The following HUNK variants were observed in gnomAD, a reference collection of about 807,000 sequenced individuals.
HUNK encodes the protein hormonally up-regulated Neu-associated kinase.
A neutral mutation model predicts 61.0 loss-of-function variants in HUNK; 21 were observed. The observed-to-expected ratio is 0.34, with a 90% CI of 0.24 to 0.50. The LOEUF (loss-of-function observed/expected upper bound fraction) is 0.50, where lower values mean the gene tolerates loss of function less well. Among genes scored for constraint, HUNK ranks in the 20% least tolerant of loss-of-function variants. The pLI, the probability that HUNK is intolerant of heterozygous loss-of-function variation, is 0.98. For missense variants in HUNK, 772 were observed against 945.7 expected (o/e 0.82, Z 2.41); for synonymous variants, 371 against 386.1 (o/e 0.96, Z 0.46).
chr21:31,931,582 A>G (rs1174067903), intron 2 of HUNK, among the ~76,000 whole-genome samples: 1 of 152,036 alleles, frequency 6.6e-6, no homozygotes, highest in African/African-American at 2.4e-5. Flanking sequence ...CGGGTCCATT[A>G]GAGAGAGCCA....
At chr21:31,892,750 A>G (rs2052399997) in intron 1 of HUNK, among the ~76,000 whole-genome samples, 1 of 152,088 alleles carries the variant, frequency 6.6e-6, no homozygotes, top group Non-Finnish European at 1.5e-5. Flanking sequence ...TATTTTAAGG[A>G]TAAAGGGAGG....
chr21:31,873,848 G>C lies in HUNK; in HGVS notation c.174G>C (p.Val58=), dbSNP rs538811019. Residue 58 remains valine (V), a synonymous_variant, in exon 1 of 11, where the codon GTG becomes GTC. Transcript: ENST00000270112. The surrounding 1 kb of genome is among the most constrained non-coding windows in gnomAD (Gnocchi z 6.1). The part of the protein sequence containing the change: ...RLRDFQHHKR[V]GNYLIGSRKL... ...GCGACTTCCAGCACCACAAGCGCGT[G>C]GGCAACTACCTCATCGGCAGCAGGA... 1.3e-6 allele frequency: 2 copies of C among 1,586,340 alleles called. No homozygotes were observed. Among genetic ancestry groups the C allele is most frequent in the African/African-American group, 2.8e-5 (2 of 72,266 alleles).
intron 5 of HUNK, among the ~76,000 whole-genome samples, chr21:31,967,588 G>A (rs1213072885): frequency 5.3e-5 from 8 of 152,130 alleles, no homozygotes; most frequent in Non-Finnish European, 8.8e-5. Flanking sequence ...TTGGCCAGGC[G>A]TGGTGGCTCA....
chr21:31,940,248 A>G, intron 3 of HUNK, 28 bp downstream of exon 3: 2 of 1,427,940 alleles, frequency 1.4e-6, no homozygotes, highest in South Asian at 1.2e-5. Flanking sequence ...TTTTAAGCAA[A>G]AGTATCTTTT....
intron 3 of HUNK, among the ~76,000 whole-genome samples, chr21:31,942,036 C>A (rs1327182196): frequency 6.6e-6 from 1 of 152,172 alleles, no homozygotes; most frequent in Non-Finnish European, 1.5e-5. Flanking sequence ...ATGTGAAACC[C>A]CCGTCTCTAT....
chr21:31,891,569 C>T (rs2052387952), intron 1 of HUNK, among the ~76,000 whole-genome samples: 1 of 152,192 alleles, frequency 6.6e-6, no homozygotes, highest in South Asian at 2.1e-4. Context: ...TTTACACATA[C>T]AAGTGAGGTT....
chr21:31,926,814 AGGAGT>A (rs1365730342), intron 2 of HUNK, among the ~76,000 whole-genome samples: 4 of 152,120 alleles, frequency 2.6e-5, no homozygotes, highest in African/African-American at 9.7e-5. Flanking sequence ...CTCCACTCTT[AGGAGT>A]GGAATTGCTG....
intron 1 of HUNK, among the ~76,000 whole-genome samples, chr21:31,920,134 A>G (rs896748115): frequency 2.6e-5 from 4 of 151,982 alleles, no homozygotes; most frequent in Non-Finnish European, 5.9e-5. Flanking sequence ...CCTCACCCCA[A>G]TGTCTGCCTC....
intron 1 of HUNK, among the ~76,000 whole-genome samples, chr21:31,893,389 G>A (rs939934228): frequency 6.6e-6 from 1 of 152,138 alleles, no homozygotes; most frequent in African/African-American, 2.4e-5. Context: ...ATTTGCAAAA[G>A]GACAGCTTTT....
chr21:31,996,001 G>T, intron 10 of HUNK, 53 bp downstream of exon 10: 2 of 1,356,364 alleles, frequency 1.5e-6, no homozygotes, highest in Admixed American at 2.0e-5. Flanking sequence ...CTGTGTGTCC[G>T]CTGTGTAGCC....
chr21:31,928,364 C>A (rs183138224), intron 2 of HUNK, among the ~76,000 whole-genome samples: 75 of 152,274 alleles, frequency 4.9e-4, no homozygotes, highest in African/African-American at 1.8e-3. Flanking sequence ...TTCTCAACAG[C>A]CCTTTTAAAG....
intron 5 of HUNK, among the ~76,000 whole-genome samples, chr21:31,962,333 A>G (rs1194792801): frequency 2.0e-5 from 3 of 152,216 alleles, no homozygotes; most frequent in Admixed American, 1.3e-4. Flanking sequence ...ACACAAGAAA[A>G]TCAATCTCAT....
intron 6 of HUNK, chr21:31,974,319 C>G (rs758466409): frequency 1.7e-5 from 6 of 358,486 alleles, no homozygotes; most frequent in Non-Finnish European, 3.0e-5. Context: ...TAAAATACTT[C>G]AGCAAAAAAA....
At chr21:31,945,636 C>T (rs1035777677) in intron 3 of HUNK, among the ~76,000 whole-genome samples, 2 of 152,154 alleles carry the variant, frequency 1.3e-5, no homozygotes, top group Non-Finnish European at 2.9e-5. Flanking sequence ...CATCTTTTCC[C>T]CACTTGGCAG....
intron 1 of HUNK, among the ~76,000 whole-genome samples, chr21:31,893,503 G>A (rs1248853339): frequency 2.0e-5 from 3 of 152,166 alleles, no homozygotes; most frequent in South Asian, 2.1e-4. Flanking sequence ...GTCATGTTTC[G>A]GGGTGGTTGG....
chr21:31,938,749 GTGTT>G (rs909134058), intron 2 of HUNK, among the ~76,000 whole-genome samples: 45 of 152,202 alleles, frequency 3.0e-4, no homozygotes, highest in African/African-American at 1.1e-3. Context: ...TTGTATGTGT[GTGTT>G]TGTGTGTGTC....
intron 4 of HUNK, among the ~76,000 whole-genome samples, chr21:31,948,535 G>T (rs978282942): frequency 3.3e-5 from 5 of 152,144 alleles, no homozygotes; most frequent in Non-Finnish European, 7.3e-5. Flanking sequence ...TAGCTGAGGG[G>T]GCAGGGACCA....
chr21:31,974,657 C>T lies in HUNK; in HGVS notation c.1113C>T (p.Ala371=). 1 of 1,614,080 alleles carries T rather than the reference C, an allele frequency of 6.2e-7. No individual in the cohort carries two copies. Among genetic ancestry groups the T allele is most frequent in the Non-Finnish European group, 8.5e-7 (1 of 1,180,006 alleles). ...DVINTVLSNR[A]CHILAIYFLL... is the part of the protein sequence containing the mutation. ...TCAACACTGTGCTCTCCAACCGCGC[C>T]TGCCACATCCTGGCCATCTACTTCC... The change falls in exon 7 of 11, where the codon GCC becomes GCT. Residue 371 remains alanine (A), a synonymous_variant. Coordinates refer to ENST00000270112, the MANE Select transcript of HUNK (RefSeq NM_014586.2).
intron 1 of HUNK, among the ~76,000 whole-genome samples, chr21:31,897,160 C>T (rs563254221): frequency 2.0e-5 from 3 of 152,250 alleles, no homozygotes; most frequent in South Asian, 2.1e-4. Context: ...GTGGGAGGAT[C>T]GCTTGAGCCT....
Sources: allele counts gnomAD v4.1 joint callset (sites outside exome capture counted in the v4.1 genomes callset), GRCh38; gene constraint gnomAD v4.1.1; non-coding constraint Gnocchi (gnomAD v3.1); transcripts MANE v1.5; gene names NCBI Gene and HGNC (gene_info 2026-07-23, HGNC 2026-07-21).